The following RAI14 variants were observed in gnomAD, a reference collection of about 807,000 sequenced individuals.
RAI14 encodes retinoic acid induced 14, also known as ankycorbin.
RAI14 carries 45 observed loss-of-function variants against 115.4 expected under a neutral mutation model. The observed-to-expected ratio is 0.39, with a 90% CI of 0.31 to 0.50. The LOEUF is 0.50. Among genes scored for constraint, RAI14 ranks in the 20% least tolerant of loss-of-function variants. The pLI, the probability that RAI14 is intolerant of heterozygous loss-of-function variation, is 0.85. For missense variants in RAI14, 939 were observed against 1,131.2 expected, an observed-to-expected ratio of 0.83 and a Z score of 2.44; for synonymous variants, 371 against 415.4, an observed-to-expected ratio of 0.89 and a Z score of 1.30.
chr5:34,786,993 T>A (rs1287933775), intron 3 of RAI14, among the ~76,000 whole-genome samples: 2 of 152,244 alleles, frequency 1.3e-5, no homozygotes, highest in Admixed American at 6.5e-5. Flanking sequence ...GTTAGTTATC[T>A]GCATCAGGAA....
chr5:34,815,346 A>C (rs1189836858), intron 12 of RAI14, among the ~76,000 whole-genome samples: 1 of 151,532 alleles, frequency 6.6e-6, no homozygotes. Flanking sequence ...GCGCCACTGC[A>C]CTCTAGCTTG....
chr5:34,787,636 G>T (rs983566914), intron 3 of RAI14, among the ~76,000 whole-genome samples: 1 of 152,082 alleles, frequency 6.6e-6, no homozygotes, highest in Non-Finnish European at 1.5e-5. Context: ...ATTTTTTTGA[G>T]GAGGAGGTGA....
At chr5:34,765,047 T>G (rs1388450515) in intron 3 of RAI14, among the ~76,000 whole-genome samples, 1 of 152,188 alleles carries the variant, frequency 6.6e-6, no homozygotes, top group Non-Finnish European at 1.5e-5. Context: ...TCTTCCTCAT[T>G]TTTCTCTTGC....
chr5:34,805,287 G>C (rs1050312870), intron 5 of RAI14, among the ~76,000 whole-genome samples: 4 of 152,110 alleles, frequency 2.6e-5, no homozygotes, highest in African/African-American at 7.2e-5. Flanking sequence ...TGTTTTCCCA[G>C]GTCCTGTTCC....
intron 1 of RAI14, among the ~76,000 whole-genome samples, chr5:34,658,245 C>T (rs1742432484): frequency 1.3e-5 from 2 of 152,052 alleles, no homozygotes; most frequent in South Asian, 2.1e-4. Flanking sequence ...CTAGGGATTC[C>T]GTAGGGGAAT....
At chr5:34,704,651 G>T (rs1003255104) in intron 2 of RAI14, among the ~76,000 whole-genome samples, 3 of 152,016 alleles carry the variant, frequency 2.0e-5, no homozygotes, top group South Asian at 4.2e-4. Flanking sequence ...CTCTAATTCT[G>T]TTCCCAGTTA....
chr5:34,760,071 C>T (rs537331024), intron 3 of RAI14, among the ~76,000 whole-genome samples: 6 of 152,088 alleles, frequency 3.9e-5, no homozygotes, highest in South Asian at 2.1e-4. Context: ...AGCGTGATCT[C>T]GGCTCACTGC....
rs139986811 is a variant in RAI14, at chr5:34,750,207, C to T, written c.37-7261C>T. 6.8e-3 allele frequency among the ~76,000 whole-genome samples: 1,041 copies of T among 152,066 alleles called. 5 individuals carry two copies. The highest frequency in any genetic ancestry group is 0.011 in the Non-Finnish European group (755 of 68,004). On this transcript the variant is annotated intron_variant, in intron 2 of 17. Transcript: ENST00000265109. ...ATAAGGACAGGGAGGCCCAGGGACA[C>T]GGATGACCACCTAGAAGTGATGGAA...
intron 2 of RAI14, among the ~76,000 whole-genome samples, chr5:34,745,962 C>G (rs557146689): frequency 6.6e-6 from 1 of 152,230 alleles, no homozygotes; most frequent in East Asian, 1.9e-4. Flanking sequence ...GCTCCTCTTC[C>G]TCTTTACTAT....
chr5:34,690,230 T>TA (rs1259912093), intron 2 of RAI14, among the ~76,000 whole-genome samples: 7 of 152,332 alleles, frequency 4.6e-5, no homozygotes, highest in African/African-American at 1.7e-4. Context: ...AATTTTTTTT[T>TA]AACCTGAAAT....
Position 34,795,155 on chromosome 5 carries a change from A to G in RAI14, c.168-784A>G, listed in dbSNP as rs568830014. Among the ~76,000 whole-genome samples the G allele has an allele frequency of 2.0e-5, 3 of 152,106 alleles. No individual in the cohort carries two copies. In the South Asian group the frequency reaches 6.2e-4, roughly 32 times the overall value. ...GCCCTTCATCCCGGGATCTGGAGGG[A>G]TGATTGAATTGGCATTTGGATGTTA... On this transcript the variant is annotated intron_variant, in intron 3 of 17. Coordinates refer to ENST00000265109, the MANE Select transcript of RAI14 (RefSeq NM_015577.3).
In RAI14 at chr5:34,707,964, A is replaced by G. The variant is rs536778329; in HGVS notation, c.36+21009A>G. Among the ~76,000 whole-genome samples the G allele has an allele frequency of 5.9e-5, 9 of 152,302 alleles. No individual in the cohort carries two copies. In the South Asian group the frequency reaches 1.9e-3, roughly 32 times the overall value. ...GAAGAAAGAGAGGGAATGTTGATAC[A>G]GGGGCGGGAAAAGAGAAAGAAAGGA... is the stretch of plus-strand genomic sequence containing the variant. On this transcript the variant is annotated intron_variant, in intron 2 of 17. Coordinates refer to ENST00000265109, the MANE Select transcript of RAI14 (RefSeq NM_015577.3).
In RAI14 at chr5:34,748,122, A is replaced by G. The variant is rs116339789; in HGVS notation, c.37-9346A>G. On this transcript the variant is annotated intron_variant, in intron 2 of 17. Transcript: ENST00000265109. ...TGTTTCTGGATGGAGGTGTTTATGT[A>G]TTATGTACACGCCACAGCACTCGGC... Among the ~76,000 whole-genome samples the G allele has an allele frequency of 3.8e-3, 582 of 152,230 alleles. 6 individuals carry two copies. Among genetic ancestry groups the G allele is most frequent in the African/African-American group, 0.014 (563 of 41,528 alleles).
intron 3 of RAI14, among the ~76,000 whole-genome samples, chr5:34,794,642 G>C (rs1268792749): frequency 6.6e-6 from 1 of 152,178 alleles, no homozygotes; most frequent in Non-Finnish European, 1.5e-5. Flanking sequence ...TATTTGACTT[G>C]ATCCCCAGCC....
At chr5:34,708,259 A>G (rs918391809) in intron 2 of RAI14, among the ~76,000 whole-genome samples, 2 of 150,940 alleles carry the variant, frequency 1.3e-5, no homozygotes, top group African/African-American at 2.4e-5. Flanking sequence ...CTGGGGTGCA[A>G]TGGCGCGATC....
chr5:34,751,417 A>G (rs1747002616), intron 2 of RAI14, among the ~76,000 whole-genome samples: 1 of 152,196 alleles, frequency 6.6e-6, no homozygotes, highest in Admixed American at 6.5e-5. Context: ...TGTTGGGATT[A>G]CAGGTGTGAG....
chr5:34,699,671 C>T (rs895120735), intron 2 of RAI14, among the ~76,000 whole-genome samples: 4 of 152,108 alleles, frequency 2.6e-5, no homozygotes, highest in Non-Finnish European at 5.9e-5. Context: ...GGGGGAAACA[C>T]GATTCAGCCA....
intron 1 of RAI14, among the ~76,000 whole-genome samples, chr5:34,670,505 T>G (rs901931658): frequency 6.6e-6 from 1 of 152,214 alleles, no homozygotes; most frequent in Admixed American, 6.5e-5. Flanking sequence ...TCTTTAAGGA[T>G]AGCTATTGTG....
In RAI14 at chr5:34,809,600, G is replaced by C. The variant is rs1026953074; in HGVS notation, c.450+946G>C. ...ATAAAATTAAATGAGCTCTGGCAGA[G>C]AGCTGCACTTTTTTTTTTTTTTCTA... On this transcript the variant is annotated intron_variant, in intron 7 of 17. Coordinates refer to ENST00000265109, the MANE Select transcript of RAI14 (RefSeq NM_015577.3). Among the ~76,000 whole-genome samples the C allele has an allele frequency of 2.1e-5, 3 of 143,364 alleles. No individual in the cohort carries two copies. The East Asian group carries it at 5.8e-4, about 28-fold the overall frequency. The allele number at this position is 143,364 out of a possible 152,430, so 94.1% of individuals were successfully genotyped here. A position where few individuals can be genotyped will look rare whatever the true frequency, so the allele number is the denominator to read the frequency against.
Sources: allele counts gnomAD v4.1 joint callset (sites outside exome capture counted in the v4.1 genomes callset), GRCh38; gene constraint gnomAD v4.1.1; transcripts MANE v1.5; gene names NCBI Gene and HGNC (gene_info 2026-07-23, HGNC 2026-07-21).